GLDC: variants seen among roughly 807,000 people sequenced by gnomAD.
GLDC encodes glycine decarboxylase, also known as glycine dehydrogenase (decarboxylating), mitochondrial.
GLDC carries 104 observed loss-of-function variants against 121.3 expected under a neutral mutation model. The observed-to-expected ratio is 0.86, with a 90% CI of 0.73 to 1.01. The LOEUF (loss-of-function observed/expected upper bound fraction) is 1.01, where lower values mean the gene tolerates loss of function less well. Ranked by LOEUF, GLDC falls within the 50% of genes least tolerant of loss-of-function variation. The probability of loss-of-function intolerance (pLI) is 0.00; values close to 1 mark genes in which losing one functional copy is unlikely to be tolerated. For missense variants in GLDC, 1,429 were observed against 1,306.6 expected (o/e 1.09, Z -1.44); for synonymous variants, 546 against 480.6 (o/e 1.14, Z -1.78).
At chr9:6,617,084 A>G (rs1186025454) in intron 3 of GLDC, among the ~76,000 whole-genome samples, 1 of 152,106 alleles carries the variant, frequency 6.6e-6, no homozygotes, top group Non-Finnish European at 1.5e-5. Flanking sequence ...TATGTCATCC[A>G]TTTATTTTCC....
chr9:6,621,040 C>T (rs773139984), intron 2 of GLDC, among the ~76,000 whole-genome samples: 1 of 152,148 alleles, frequency 6.6e-6, no homozygotes, highest in Non-Finnish European at 1.5e-5. Context: ...CATGGTGGTT[C>T]ACACCTGTGG....
chr9:6,644,201 T>A (rs1469039102), intron 2 of GLDC, among the ~76,000 whole-genome samples: 1 of 151,696 alleles, frequency 6.6e-6, no homozygotes, highest in Non-Finnish European at 1.5e-5. Flanking sequence ...AGGCGAGATG[T>A]CTGGTCACTT....
chr9:6,609,393 T>C (rs1429438943), intron 4 of GLDC, among the ~76,000 whole-genome samples: 1 of 152,108 alleles, frequency 6.6e-6, no homozygotes, highest in Admixed American at 6.6e-5. Context: ...GCCATGGAGA[T>C]AATAGAAGTC....
rs1359587024 is a variant in GLDC, at chr9:6,602,183, A to G, written c.1081T>C (p.Tyr361His). 1 of 1,611,894 alleles carries G rather than the reference A, an allele frequency of 6.2e-7. No individual in the cohort carries two copies. Among genetic ancestry groups the G allele is most frequent in the East Asian group, 2.2e-5 (1 of 44,878 alleles). The part of the protein sequence containing the change: ...VTRDATGKEV[Y>H]RLALQTREQH... Reference sequence around the variant, plus strand: ...TCCCTGGTTTGAAGAGCAAGACGATACACTTCTTTCCCAGTGGCATCTCTA... The same window carrying G: ...TCCCTGGTTTGAAGAGCAAGACGATGCACTTCTTTCCCAGTGGCATCTCTA... Residue 361 changes from tyrosine to histidine, a missense_variant, in exon 8 of 25, where the codon TAT becomes CAT. By Grantham distance (83) the Tyr-to-His change is moderately conservative (BLOSUM62 2). Transcript: ENST00000321612.
rs1353169097 is a variant in GLDC, at chr9:6,618,765, G to GAC, written c.470+1417_470+1418dup. Among the ~76,000 whole-genome samples the GAC allele has an allele frequency of 3.9e-3, 586 of 151,814 alleles. 6 individuals are homozygous for GAC. The highest frequency in any genetic ancestry group is 0.014 in the African/African-American group (562 of 41,420). Reference sequence around the variant, plus strand: ...CAGGAGACACAGACATGGATGGACAGACACACACACACACCACACAATCAG... The same window carrying GAC: ...CAGGAGACACAGACATGGATGGACAGACACACACACACACACCACACAATCAG... On this transcript the variant is annotated intron_variant, in intron 3 of 24. Coordinates refer to ENST00000321612, the MANE Select transcript of GLDC (RefSeq NM_000170.3).
At chr9:6,619,145 G>GAAAAAAAAAAA (rs1563864174) in intron 3 of GLDC, among the ~76,000 whole-genome samples, 8 of 30,194 alleles carry the variant, frequency 2.6e-4, no homozygotes, top group African/African-American at 1.1e-3. Flanking sequence ...TCTGTCTCAG[G>GAAAAAAAAAAA]CAAAAAAAAA....
intron 21 of GLDC, among the ~76,000 whole-genome samples, chr9:6,547,796 G>C (rs1192171944): frequency 6.6e-6 from 1 of 152,094 alleles, no homozygotes; most frequent in African/African-American, 2.4e-5. Flanking sequence ...TAGTGACAGG[G>C]GAAAATGCTC....
Position 6,532,971 on chromosome 9 carries a change from C to A in GLDC, c.*46G>T, listed in dbSNP as rs1280053340. 7.1e-7 allele frequency: 1 copy of A among 1,401,246 alleles called. No homozygotes were observed. The highest frequency in any genetic ancestry group is 2.3e-5 in the East Asian group (1 of 43,778). The allele number at this position is 1,401,246 out of a possible 1,614,324, so 86.8% of individuals were successfully genotyped here. ...AAATCTTTCTTGCTTATCAAATGCT[C>A]TGGGGAGAGGCATCAAATCAGTCCT... On this transcript the variant is annotated 3_prime_UTR_variant, in exon 25 of 25. Coordinates refer to ENST00000321612, the MANE Select transcript of GLDC (RefSeq NM_000170.3).
chr9:6,597,344 G>C (rs1156720930), intron 8 of GLDC, among the ~76,000 whole-genome samples: 1 of 152,234 alleles, frequency 6.6e-6, no homozygotes, highest in African/African-American at 2.4e-5. Context: ...CCATTGAGCT[G>C]TATACTTGCA....
chr9:6,542,432 G>T (rs1434115083), intron 21 of GLDC: 1 of 152,130 alleles, frequency 6.6e-6, no homozygotes, highest in Non-Finnish European at 1.5e-5. Context: ...TAGAGATGGG[G>T]TCTCACTATG....
chr9:6,563,711 T>C (rs1486955256), intron 16 of GLDC, among the ~76,000 whole-genome samples: 1 of 152,202 alleles, frequency 6.6e-6, no homozygotes, highest in African/African-American at 2.4e-5. Context: ...GAACAAACTG[T>C]GGGGGAATTT....
chr9:6,622,159 G>C (rs199808071), intron 2 of GLDC, among the ~76,000 whole-genome samples: 28 of 145,318 alleles, frequency 1.9e-4, no homozygotes, highest in South Asian at 4.4e-4. Context: ...CACACACACA[G>C]ACACACACAC....
chr9:6,573,767 C>G (rs1563843003), intron 15 of GLDC, among the ~76,000 whole-genome samples: 1 of 152,146 alleles, frequency 6.6e-6, no homozygotes, highest in Non-Finnish European at 1.5e-5. Flanking sequence ...GTGATCCTAA[C>G]AACCACTGTC....
At chr9:6,553,617 G>T in intron 19 of GLDC, 108 bp from the exon 20 acceptor site, 1 of 1,025,944 alleles carries the variant, frequency 9.7e-7, no homozygotes, top group Non-Finnish European at 1.5e-6. Context: ...GAGGAGCTCT[G>T]ACAGTGGAAG....
rs555303406 is a variant in GLDC at position 6,645,684 on chromosome 9, C to G, written c.-185G>C. The G allele has an allele frequency of 8.3e-6, 3 of 360,350 alleles. No individual in the cohort carries two copies. The highest frequency in any genetic ancestry group is 1.4e-5 in the Non-Finnish European group (3 of 216,250). The allele number at this position is 360,350 out of a possible 1,614,324, so 22.3% of individuals were successfully genotyped here. A position where few individuals can be genotyped will look rare whatever the true frequency, so the allele number is the denominator to read the frequency against. ...GGGCGCTGCGCTCAACCAAGACACT[C>G]GCGCAAAGTTGTGGCTCCACCCAAG... On this transcript the variant is annotated 5_prime_UTR_variant, in exon 1 of 25. Transcript: ENST00000321612.
intron 2 of GLDC, among the ~76,000 whole-genome samples, chr9:6,629,226 T>C (rs1819310618): frequency 6.6e-6 from 1 of 151,908 alleles, no homozygotes; most frequent in South Asian, 2.1e-4. Flanking sequence ...TATTCATTTT[T>C]TTTTTTTTTG....
At chr9:6,569,890 C>T (rs1384704566) in intron 15 of GLDC, among the ~76,000 whole-genome samples, 7 of 151,504 alleles carry the variant, frequency 4.6e-5, no homozygotes, top group African/African-American at 1.7e-4. Context: ...GCAGGAGAAT[C>T]GCTTAAAGCA....
At chr9:6,535,111 G>A (rs886896337) in intron 23 of GLDC, among the ~76,000 whole-genome samples, 6 of 151,878 alleles carry the variant, frequency 4.0e-5, no homozygotes, top group African/African-American at 7.3e-5. Context: ...TTCTGAATTC[G>A]GTGTTTACCA....
intron 8 of GLDC, among the ~76,000 whole-genome samples, chr9:6,599,417 G>C (rs1223676190): frequency 1.3e-5 from 2 of 151,714 alleles, no homozygotes; most frequent in East Asian, 2.0e-4. Flanking sequence ...AGAAAGTGAG[G>C]CCACCATATA....
Sources: allele counts gnomAD v4.1 joint callset (sites outside exome capture counted in the v4.1 genomes callset), GRCh38; gene constraint gnomAD v4.1.1; transcripts MANE v1.5; gene names NCBI Gene and HGNC (gene_info 2026-07-23, HGNC 2026-07-21).